Variants in ESR1 observed in about 807,000 individuals in gnomAD.
The protein encoded by ESR1 is estrogen receptor.
A neutral mutation model predicts 52.7 loss-of-function variants in ESR1; 12 were observed. That is an observed-to-expected ratio of 0.23 (90% CI 0.15 to 0.37). The LOEUF (loss-of-function observed/expected upper bound fraction) is 0.37, where lower values mean the gene tolerates loss of function less well. Among genes scored for constraint, ESR1 ranks in the 10% least tolerant of loss-of-function variants. The pLI, the probability that ESR1 is intolerant of heterozygous loss-of-function variation, is 1.00. For missense variants in ESR1, 584 were observed against 779.7 expected, an observed-to-expected ratio of 0.75 and a Z score of 2.99; for synonymous variants, 305 against 316.8, an observed-to-expected ratio of 0.96 and a Z score of 0.39.
intron 3 of ESR1, among the ~76,000 whole-genome samples, chr6:151,920,738 A>G (rs1430310831): frequency 2.6e-5 from 4 of 152,182 alleles, no homozygotes; most frequent in African/African-American, 9.6e-5. Flanking sequence ...GGAAGACCAC[A>G]GAGGTTAAGT....
chr6:151,947,659 A>G (rs957980758), intron 4 of ESR1, among the ~76,000 whole-genome samples: 1 of 152,090 alleles, frequency 6.6e-6, no homozygotes, highest in Non-Finnish European at 1.5e-5. Context: ...TTTTGACTTG[A>G]TATGTTTCTC....
chr6:151,669,269 G>A (rs1207767632), intron 1 of ESR1, among the ~76,000 whole-genome samples: 1 of 147,854 alleles, frequency 6.8e-6, no homozygotes, highest in South Asian at 2.3e-4. Flanking sequence ...TTCTGGAAAG[G>A]GGGTAGTGTT....
At chr6:151,997,472 G>A (rs938069956) in intron 4 of ESR1, among the ~76,000 whole-genome samples, 2 of 152,104 alleles carry the variant, frequency 1.3e-5, no homozygotes, top group African/African-American at 4.8e-5. Context: ...GTTGCAAAAT[G>A]AGTCAGAAGA....
rs1419894030 is a variant in ESR1, at chr6:151,944,332, C to A, written c.920C>A (p.Ala307Asp). The change falls in exon 4 of 8, where the codon GCC (alanine) becomes GAC (aspartate). Residue 307 changes from alanine to aspartate, a missense_variant. Transcript: ENST00000206249. ...AAACGCTCTAAGAAGAACAGCCTGG[C>A]CTTGTCCCTGACGGCCGACCAGATG... ...MIKRSKKNSL[A>D]LSLTADQMVS... is the part of the protein sequence containing the mutation. 2 of 1,614,112 alleles carry A rather than the reference C, an allele frequency of 1.2e-6. No individual in the cohort carries two copies. The highest frequency in any genetic ancestry group is 1.7e-6 in the Non-Finnish European group (2 of 1,180,006).
chr6:151,976,840 A>G (rs1365239419), intron 4 of ESR1, among the ~76,000 whole-genome samples: 1 of 152,068 alleles, frequency 6.6e-6, no homozygotes, highest in Non-Finnish European at 1.5e-5. Context: ...CCCTTTTGGC[A>G]CTCACAGAAT....
At chr6:151,998,280 T>C (rs1379349885) in intron 4 of ESR1, among the ~76,000 whole-genome samples, 1 of 152,142 alleles carries the variant, frequency 6.6e-6, no homozygotes, top group Non-Finnish European at 1.5e-5. Flanking sequence ...AATTGTGCAA[T>C]TTACACATAG....
At chr6:151,909,967 G>A (rs543416495) in intron 3 of ESR1, among the ~76,000 whole-genome samples, 7 of 152,182 alleles carry the variant, frequency 4.6e-5, no homozygotes, top group South Asian at 4.2e-4. Context: ...ATCTATGAGC[G>A]TGGAGACAGA....
intron 1 of ESR1, among the ~76,000 whole-genome samples, chr6:151,830,696 G>A (rs1782263613): frequency 6.6e-6 from 1 of 152,122 alleles, no homozygotes; most frequent in Non-Finnish European, 1.5e-5. Flanking sequence ...AAAAGATACA[G>A]ACTAAATGGG....
At chr6:151,716,473 G>A (rs1294014901) in intron 2 of ESR1, among the ~76,000 whole-genome samples, 3 of 152,210 alleles carry the variant, frequency 2.0e-5, no homozygotes, top group East Asian at 3.9e-4. Context: ...GGAGATGGGA[G>A]TTTTATCTAT....
At chr6:151,913,207 A>C (rs918921007) in intron 3 of ESR1, among the ~76,000 whole-genome samples, 1 of 152,204 alleles carries the variant, frequency 6.6e-6, no homozygotes, top group Non-Finnish European at 1.5e-5. Flanking sequence ...TAGAAACCTT[A>C]TGACCCTCGG....
chr6:151,796,370 C>A (rs1776715786), intron 2 of ESR1, among the ~76,000 whole-genome samples: 1 of 152,012 alleles, frequency 6.6e-6, no homozygotes, highest in African/African-American at 2.4e-5. Context: ...TAGAATATCT[C>A]TGGAAGGAAA....
intron 1 of ESR1, among the ~76,000 whole-genome samples, chr6:151,660,583 T>C (rs1777604881): frequency 6.6e-6 from 1 of 152,226 alleles, no homozygotes; most frequent in Non-Finnish European, 1.5e-5. Context: ...CCATTAAAAT[T>C]TGAAACAGGC....
At chr6:152,038,718 G>A (rs922039714) in intron 5 of ESR1, among the ~76,000 whole-genome samples, 7 of 151,944 alleles carry the variant, frequency 4.6e-5, no homozygotes, top group Non-Finnish European at 1.0e-4. Context: ...TGCAACCTCC[G>A]CCTCCTGGGT....
intron 6 of ESR1, among the ~76,000 whole-genome samples, chr6:152,082,198 A>ATG (rs1021460375): frequency 3.9e-5 from 6 of 152,222 alleles, no homozygotes. Context: ...ATGAACATCG[A>ATG]TGTGAAAATC....
rs185717042 is a variant in ESR1, at chr6:151,808,321, A to G, written c.409A>G (p.Ser137Gly). The G allele has an allele frequency of 4.9e-4, 759 of 1,554,082 alleles. 3 individuals are homozygous for G. In the African/African-American group the frequency reaches 9.4e-3, roughly 19 times the overall value. Residue 137 changes from serine to glycine, a missense_variant, in exon 1 of 8, where the codon AGC becomes GGC. Transcript: ENST00000206249. ...GCCCTACTACCTGGAGAACGAGCCC[A>G]GCGGCTACACGGTGCGCGAGGCCGG... ...QVPYYLENEP[S>G]GYTVREAGPP...
At chr6:151,833,423 C>T (rs1447931641) in intron 1 of ESR1, among the ~76,000 whole-genome samples, 1 of 152,116 alleles carries the variant, frequency 6.6e-6, no homozygotes, top group African/African-American at 2.4e-5. Context: ...ATTCTGAAGC[C>T]TTAGGGTAGC....
chr6:151,806,618 T>C (rs1198221664), upstream of ESR1, among the ~76,000 whole-genome samples: 2 of 150,318 alleles, frequency 1.3e-5, no homozygotes, highest in Non-Finnish European at 3.0e-5. Context: ...AGTTAAAAAC[T>C]TTTTTCTATT....
intron 1 of ESR1, among the ~76,000 whole-genome samples, chr6:151,831,861 G>T (rs1342009574): frequency 2.0e-5 from 3 of 152,144 alleles, no homozygotes; most frequent in African/African-American, 7.2e-5. Context: ...TAAACCAAGG[G>T]TCGTGCTGGG....
intron 3 of ESR1, among the ~76,000 whole-genome samples, chr6:151,897,009 C>T (rs370003582): frequency 2.6e-5 from 4 of 152,058 alleles, no homozygotes; most frequent in Admixed American, 6.6e-5. Flanking sequence ...CTTTTGGAGT[C>T]GATTTCCAGT....
Sources: allele counts gnomAD v4.1 joint callset (sites outside exome capture counted in the v4.1 genomes callset), GRCh38; gene constraint gnomAD v4.1.1; transcripts MANE v1.5; gene names NCBI Gene and HGNC (gene_info 2026-07-23, HGNC 2026-07-21).